The following ZFHX3 variants were observed in gnomAD, a reference collection of about 807,000 sequenced individuals.
The protein encoded by ZFHX3 is zinc finger homeobox protein 3.
A neutral mutation model predicts 279.1 loss-of-function variants in ZFHX3; 42 were observed. That is an observed-to-expected ratio of 0.15 (90% confidence interval 0.12 to 0.19). The LOEUF is 0.19. Ranked by LOEUF, ZFHX3 falls within the 10% of genes least tolerant of loss-of-function variation. ZFHX3 has a pLI of 1.00. For missense variants in ZFHX3, 4,981 were observed against 4,754.0 expected, an observed-to-expected ratio of 1.05 and a Z score of -1.40; for synonymous variants, 2,293 against 1,957.8, an observed-to-expected ratio of 1.17 and a Z score of -4.52.
chr16:73,090,046 C>T (rs536378126), intron 8 of ZFHX3, among the ~76,000 whole-genome samples: 21 of 152,200 alleles, frequency 1.4e-4, no homozygotes, highest in Non-Finnish European at 3.1e-4. Flanking sequence ...CAGGCTGAGG[C>T]ACTTTTTTTC....
chr16:73,008,745 C>A (rs1963804607), intron 1 of ZFHX3, among the ~76,000 whole-genome samples: 1 of 152,120 alleles, frequency 6.6e-6, no homozygotes, highest in Non-Finnish European at 1.5e-5. Flanking sequence ...AAGTAAACTT[C>A]CATATTTTTT....
At chr16:73,440,364 A>C (rs1216100091) in intron 3 of ZFHX3, among the ~76,000 whole-genome samples, 1 of 152,228 alleles carries the variant, frequency 6.6e-6, no homozygotes, top group Non-Finnish European at 1.5e-5. Context: ...GAAATTTTAC[A>C]TGGGATGAGG....
intron 4 of ZFHX3, among the ~76,000 whole-genome samples, chr16:72,856,823 TG>T (rs1309338144): frequency 1.3e-5 from 2 of 152,190 alleles, no homozygotes; most frequent in African/African-American, 4.8e-5. Flanking sequence ...TCTCCACCCT[TG>T]GTGAAATGGA....
chr16:72,842,405 T>C (rs1454452524), intron 4 of ZFHX3, among the ~76,000 whole-genome samples: 3 of 151,936 alleles, frequency 2.0e-5, no homozygotes, highest in Non-Finnish European at 2.9e-5. Flanking sequence ...CAAAGTGAAA[T>C]ACAGAAACTG....
Position 73,867,116 on chromosome 16 carries a change from A to G in ZFHX3, c.-1608+24535T>C, listed in dbSNP as rs374200710. The stretch of plus-strand genomic sequence containing the variant: ...AGCCTGGAACTGCCCCACCTCAACT[A>G]CAGGTGAACTGAGACGGGGGCCAGA... On this transcript the variant is annotated intron_variant, in intron 1 of 17. Transcript: ENST00000641206. Among the ~76,000 whole-genome samples the G allele has an allele frequency of 2.1e-4, 32 of 152,094 alleles. 3 individuals are homozygous for G. Among genetic ancestry groups the G allele is most frequent in the Admixed American group, 1.6e-3 (24 of 15,276 alleles).
intron 1 of ZFHX3, among the ~76,000 whole-genome samples, chr16:73,748,374 C>T (rs2053723513): frequency 6.6e-6 from 1 of 152,156 alleles, no homozygotes; most frequent in Non-Finnish European, 1.5e-5. Flanking sequence ...TTCAAGTCAT[C>T]CCTTTTAAAA....
intron 1 of ZFHX3, among the ~76,000 whole-genome samples, chr16:73,882,259 T>G (rs1357661395): frequency 6.6e-6 from 1 of 151,634 alleles, no homozygotes; most frequent in African/African-American, 2.4e-5. Context: ...CCGACTGAGG[T>G]TTATTGCTTG....
intron 1 of ZFHX3, among the ~76,000 whole-genome samples, chr16:73,752,174 C>T (rs1013105309): frequency 3.5e-4 from 54 of 152,160 alleles, no homozygotes; most frequent in African/African-American, 1.3e-3. Context: ...GCTTCCAATT[C>T]CAGTTTTCCC....
intron 3 of ZFHX3, among the ~76,000 whole-genome samples, chr16:73,434,202 C>T (rs758648178): frequency 2.4e-4 from 37 of 152,286 alleles, no homozygotes; most frequent in Non-Finnish European, 4.7e-4. Flanking sequence ...CCCTTGTCTT[C>T]TTATCATAAT....
intron 4 of ZFHX3, among the ~76,000 whole-genome samples, chr16:72,839,709 T>C (rs1466761774): frequency 6.6e-6 from 1 of 151,956 alleles, no homozygotes; most frequent in East Asian, 1.9e-4. Context: ...TTAACCATTT[T>C]GTGGATTCAG....
At chr16:73,102,370 T>G (rs1471404300) in intron 7 of ZFHX3, among the ~76,000 whole-genome samples, 1 of 152,224 alleles carries the variant, frequency 6.6e-6, no homozygotes, top group Non-Finnish European at 1.5e-5. Context: ...AATACATATC[T>G]ATGCATATGC....
intron 1 of ZFHX3, among the ~76,000 whole-genome samples, chr16:73,683,200 T>A (rs563864684): frequency 6.6e-6 from 1 of 152,260 alleles, no homozygotes; most frequent in East Asian, 1.9e-4. Context: ...ATATAATGGG[T>A]GAATGTACAA....
chr16:73,525,454 T>G (rs2019675176), intron 2 of ZFHX3, among the ~76,000 whole-genome samples: 2 of 152,258 alleles, frequency 1.3e-5, no homozygotes, highest in African/African-American at 4.8e-5. Context: ...AAAGAGGATC[T>G]CACGGAAAAG....
chr16:73,038,915 A>G (rs374400277), intron 1 of ZFHX3, among the ~76,000 whole-genome samples: 30 of 151,748 alleles, frequency 2.0e-4, no homozygotes, highest in African/African-American at 6.8e-4. Context: ...CACCCACCTC[A>G]GCCTCCCGAG....
chr16:73,313,577 T>A (rs1485599654), intron 4 of ZFHX3, among the ~76,000 whole-genome samples: 1 of 152,184 alleles, frequency 6.6e-6, no homozygotes, highest in Admixed American at 6.5e-5. Context: ...GTCACACAGC[T>A]AATGAGCGAT....
Position 72,836,913 on chromosome 16 carries a change from A to G in ZFHX3, c.3449-7054T>C, listed in dbSNP as rs986206154. On this transcript the variant is annotated intron_variant, in intron 4 of 9. Coordinates refer to ENST00000268489, the MANE Select transcript of ZFHX3 (RefSeq NM_006885.4). ...CAGGGGCTCTACAGCTGGAGCATCTATTTACTCATCAGAAGTGTAATATTT... is the reference window on the plus strand; with the variant it reads ...CAGGGGCTCTACAGCTGGAGCATCTGTTTACTCATCAGAAGTGTAATATTT... Among the ~76,000 whole-genome samples, 5 of 152,108 alleles carry G rather than the reference A, an allele frequency of 3.3e-5. No individual in the cohort carries two copies. The South Asian group carries it at 6.2e-4, about 19-fold the overall frequency.
intron 2 of ZFHX3, among the ~76,000 whole-genome samples, chr16:73,523,608 G>T (rs1353110694): frequency 1.4e-5 from 2 of 140,494 alleles, no homozygotes; most frequent in Non-Finnish European, 3.0e-5. Flanking sequence ...AGGGGGCAGG[G>T]AATGGAAGCT....
intron 4 of ZFHX3, among the ~76,000 whole-genome samples, chr16:72,838,693 G>A (rs559054436): frequency 6.6e-6 from 1 of 152,142 alleles, no homozygotes. Flanking sequence ...CAAGAATTAC[G>A]GGGGTGGGTG....
intron 5 of ZFHX3, among the ~76,000 whole-genome samples, chr16:73,228,008 G>C (rs541300486): frequency 8.9e-4 from 135 of 152,070 alleles, no homozygotes; most frequent in Non-Finnish European, 1.5e-3. Context: ...TATGTATTAG[G>C]CACTATTATT....
Sources: allele counts gnomAD v4.1 joint callset (sites outside exome capture counted in the v4.1 genomes callset), GRCh38; gene constraint gnomAD v4.1.1; transcripts MANE v1.5; gene names NCBI Gene and HGNC (gene_info 2026-07-23, HGNC 2026-07-21).